The following WASL variants were observed in gnomAD, a reference collection of about 807,000 sequenced individuals.
The protein encoded by WASL is WASP like actin nucleation promoting factor.
In WASL, 20 loss-of-function variants were observed where a neutral mutation model predicts 55.5. The observed-to-expected ratio is 0.36, with a 90% CI of 0.25 to 0.52. The LOEUF is 0.52. WASL is among the 20% of genes least tolerant of loss of function. The pLI is 0.92. For synonymous variants in WASL, 249 were observed against 217.6 expected (o/e 1.14, Z -1.27); for missense variants, 504 against 622.5 (o/e 0.81, Z 2.03).
intron 8 of WASL, among the ~76,000 whole-genome samples, chr7:123,694,458 GT>G (rs944880122): frequency 3.3e-5 from 5 of 152,124 alleles, no homozygotes; most frequent in Non-Finnish European, 5.9e-5. Context: ...GCAACTATAA[GT>G]TTTTACTTTA....
At position 123,748,769 on chromosome 7, in the gene WASL, C is replaced by G; in HGVS notation, c.-35G>C. The G allele has an allele frequency of 6.7e-7, 1 of 1,500,554 alleles. No individual in the cohort carries two copies. The highest frequency in any genetic ancestry group is 8.9e-7 in the Non-Finnish European group (1 of 1,122,528). 93.0% of individuals were successfully genotyped at this position (1,500,554 alleles called of 1,614,324 possible). ...GGCGGGGTTGGGAGTCCAGGGCCGT[C>G]TCCTCCGGCGAGTGGGCGAGAGCTC... On this transcript the variant is annotated 5_prime_UTR_variant, in exon 1 of 11. Transcript: ENST00000223023.
At chr7:123,726,518 A>G (rs1804042034) in intron 1 of WASL, among the ~76,000 whole-genome samples, 1 of 152,178 alleles carries the variant, frequency 6.6e-6, no homozygotes, top group Non-Finnish European at 1.5e-5. Flanking sequence ...AGAAAAAAAA[A>G]AGATACATTA....
At chr7:123,731,897 G>A (rs948514242) in intron 1 of WASL, among the ~76,000 whole-genome samples, 20 of 151,318 alleles carry the variant, frequency 1.3e-4, no homozygotes, top group Non-Finnish European at 2.8e-4. Flanking sequence ...CAGATGAAAA[G>A]AAAAAAAGAA....
chr7:123,729,456 A>C (rs1804103956), intron 1 of WASL, among the ~76,000 whole-genome samples: 1 of 152,158 alleles, frequency 6.6e-6, no homozygotes, highest in Non-Finnish European at 1.5e-5. Flanking sequence ...TTTTTTAAGT[A>C]AGTCACCTGA....
intron 5 of WASL, among the ~76,000 whole-genome samples, chr7:123,702,231 C>A (rs6466882): frequency 6.6e-6 from 1 of 151,584 alleles, no homozygotes; most frequent in Non-Finnish European, 1.5e-5. Flanking sequence ...AATTTTTGTA[C>A]TTTTAATAGA....
intron 8 of WASL, among the ~76,000 whole-genome samples, chr7:123,693,360 G>A (rs935827307): frequency 2.6e-5 from 4 of 152,026 alleles, no homozygotes; most frequent in Non-Finnish European, 4.4e-5. Flanking sequence ...ATTAATCTGC[G>A]CTAAAGCCCA....
At chr7:123,746,790 C>T (rs1325898100) in intron 1 of WASL, among the ~76,000 whole-genome samples, 1 of 152,186 alleles carries the variant, frequency 6.6e-6, no homozygotes, top group African/African-American at 2.4e-5. Flanking sequence ...TTTTCGAAAC[C>T]AGTAAAACTA....
intron 1 of WASL, among the ~76,000 whole-genome samples, chr7:123,719,357 G>T (rs1178152968): frequency 1.3e-5 from 2 of 152,166 alleles, no homozygotes; most frequent in African/African-American, 2.4e-5. Context: ...GCTCCCAAAA[G>T]TGAAGTACCC....
intron 1 of WASL, among the ~76,000 whole-genome samples, chr7:123,734,132 T>A (rs1041977165): frequency 1.3e-5 from 2 of 152,056 alleles, no homozygotes; most frequent in African/African-American, 4.8e-5. Flanking sequence ...GCTGATGAAC[T>A]GGATGGACTT....
chr7:123,729,416 C>T (rs1804103524), intron 1 of WASL, among the ~76,000 whole-genome samples: 1 of 152,078 alleles, frequency 6.6e-6, no homozygotes, highest in African/African-American at 2.4e-5. Flanking sequence ...TAATAATCAG[C>T]ACTATATTTT....
chr7:123,735,151 CAATGGG>C (rs1804205134), intron 1 of WASL, among the ~76,000 whole-genome samples: 1 of 144,082 alleles, frequency 6.9e-6, no homozygotes, highest in Admixed American at 6.8e-5. Flanking sequence ...AAAAAAAATT[CAATGGG>C]AATTAAAAAA....
At chr7:123,698,797 T>A (rs1322430317) in intron 5 of WASL, among the ~76,000 whole-genome samples, 1 of 152,120 alleles carries the variant, frequency 6.6e-6, no homozygotes, top group Non-Finnish European at 1.5e-5. Flanking sequence ...ATTTTCAAAT[T>A]TGCTCAGGTA....
chr7:123,723,825 T>C (rs1040827810), intron 1 of WASL, among the ~76,000 whole-genome samples: 3 of 152,214 alleles, frequency 2.0e-5, no homozygotes, highest in Non-Finnish European at 2.9e-5. Flanking sequence ...TGGGATCCTC[T>C]GGTAGCCAAA....
intron 4 of WASL, among the ~76,000 whole-genome samples, chr7:123,705,739 T>C (rs1295655638): frequency 6.6e-6 from 1 of 152,192 alleles, no homozygotes; most frequent in Non-Finnish European, 1.5e-5. Flanking sequence ...TTTCACACAC[T>C]AAACTAAGTT....
chr7:123,689,962 C>A (rs1803371837), intron 9 of WASL, among the ~76,000 whole-genome samples: 1 of 152,082 alleles, frequency 6.6e-6, no homozygotes, highest in Admixed American at 6.6e-5. Context: ...ACTCCTTGTT[C>A]TTTCTGGAGT....
intron 1 of WASL, among the ~76,000 whole-genome samples, chr7:123,727,353 T>TCACA (rs150375537): frequency 0.12 from 17,770 of 147,672 alleles, 1,128 homozygotes; most frequent in African/African-American, 0.14. Flanking sequence ...AAAATATGTG[T>TCACA]CACACACACA....
rs772456960 is a variant in WASL, at chr7:123,696,687, A to C, written c.521T>G (p.Phe174Cys). The change falls in exon 6 of 11, where the codon TTT becomes TGT. Residue 174 changes from phenylalanine to cysteine, a missense_variant. Phe to Cys is a radical substitution (Grantham distance 205). Transcript: ENST00000223023. ...IKNPEITTNRFYGPQVNNISH... is the reference protein window; with the variant it reads ...IKNPEITTNRCYGPQVNNISH... The stretch of plus-strand genomic sequence containing the variant: ...GATGTTGTTGACTTGTGGACCATAA[A>C]ATCTATTTGTTGTGATTTCTGGATT... The C allele has an allele frequency of 3.1e-6, 5 of 1,602,432 alleles. No homozygotes were observed. Among genetic ancestry groups the C allele is most frequent in the Non-Finnish European group, 4.3e-6 (5 of 1,174,220 alleles).
Position 123,748,750 on chromosome 7 carries a change from G to A in WASL, c.-16C>T. ...CGGAGCTCATGGTTTCGCCGGCGGG[G>A]TTGGGAGTCCAGGGCCGTCTCCTCC... On this transcript the variant is annotated 5_prime_UTR_variant, in exon 1 of 11. Transcript: ENST00000223023. The A allele has an allele frequency of 6.4e-7, 1 of 1,564,142 alleles. No individual in the cohort carries two copies. The highest frequency in any genetic ancestry group is 8.6e-7 in the Non-Finnish European group (1 of 1,156,880).
chr7:123,746,906 T>A (rs1265771160), intron 1 of WASL, among the ~76,000 whole-genome samples: 1 of 152,240 alleles, frequency 6.6e-6, no homozygotes. Flanking sequence ...ACTTCCTTTT[T>A]GATACAGGTT....
Sources: gnomAD v4.1 joint callset for allele counts (sites outside exome capture counted in the v4.1 genomes callset) on GRCh38, gnomAD v4.1.1 for gene constraint, MANE v1.5 for transcripts, NCBI Gene and HGNC (gene_info 2026-07-23, HGNC 2026-07-21) for gene names.